The following KIAA1549L variants were observed in gnomAD, a reference collection of about 807,000 sequenced individuals.
KIAA1549L encodes UPF0606 protein KIAA1549L.
In KIAA1549L, 88 loss-of-function variants were observed where a neutral mutation model predicts 160.7. The observed-to-expected ratio is 0.55, with a 90% CI of 0.46 to 0.65. KIAA1549L has a LOEUF of 0.65. KIAA1549L is among the 30% of genes least tolerant of loss of function. The pLI, the probability that KIAA1549L is intolerant of heterozygous loss-of-function variation, is 0.00. For missense variants in KIAA1549L, 2,258 were observed against 2,437.5 expected, an observed-to-expected ratio of 0.93 and a Z score of 1.55; for synonymous variants, 950 against 976.7, an observed-to-expected ratio of 0.97 and a Z score of 0.51.
At position 33,658,739 on chromosome 11, in the gene KIAA1549L, G is replaced by A; in HGVS notation, c.5859-11G>A. On this transcript the variant is annotated splice_polypyrimidine_tract_variant and intron_variant, in intron 18 of 20. Transcript: ENST00000658780. ...GGGACAGTGCTAACGCAGTCCCTCT[G>A]CCCCATCTAGATCCACCTCAGACAT... 6.4e-7 allele frequency: 1 copy of A among 1,569,178 alleles called. No individual in the cohort carries two copies.
chr11:33,454,767 G>A (rs1851787726), intron 1 of KIAA1549L, among the ~76,000 whole-genome samples: 1 of 152,166 alleles, frequency 6.6e-6, no homozygotes, highest in African/African-American at 2.4e-5. Context: ...AAGATGAAAA[G>A]GAATTGCCGC....
chr11:33,563,983 G>GT (rs1565188538), intron 8 of KIAA1549L, among the ~76,000 whole-genome samples: 1 of 152,068 alleles, frequency 6.6e-6, no homozygotes, highest in East Asian at 1.9e-4. Context: ...TCCATTCCAG[G>GT]TCTTTTTTTC....
intron 1 of KIAA1549L, among the ~76,000 whole-genome samples, chr11:33,538,281 C>T (rs1418536367): frequency 6.6e-6 from 1 of 152,212 alleles, no homozygotes; most frequent in Non-Finnish European, 1.5e-5. Flanking sequence ...ATGAGGATTA[C>T]AATTCCAGAT....
intron 1 of KIAA1549L, among the ~76,000 whole-genome samples, chr11:33,473,671 C>T (rs894509453): frequency 3.9e-5 from 6 of 152,180 alleles, no homozygotes; most frequent in Non-Finnish European, 1.5e-5. Context: ...CTCATATGCA[C>T]GTTCCCTTCG....
intron 11 of KIAA1549L, among the ~76,000 whole-genome samples, chr11:33,586,819 C>T (rs537115190): frequency 4.5e-4 from 69 of 152,264 alleles, no homozygotes; most frequent in African/African-American, 1.6e-3. Flanking sequence ...GTTGCTTTAT[C>T]TGTAAACTGG....
intron 4 of KIAA1549L, among the ~76,000 whole-genome samples, chr11:33,550,254 G>A (rs116660895): frequency 8.9e-4 from 135 of 151,678 alleles, no homozygotes; most frequent in African/African-American, 3.1e-3. Context: ...ATACATATAC[G>A]TATGTGTATA....
chr11:33,533,144 A>C (rs978546460), intron 1 of KIAA1549L, among the ~76,000 whole-genome samples: 1 of 152,200 alleles, frequency 6.6e-6, no homozygotes, highest in Non-Finnish European at 1.5e-5. Flanking sequence ...GAGCCAGATC[A>C]GTACATGTGC....
At chr11:33,610,348 A>C (rs989715687) in intron 15 of KIAA1549L, among the ~76,000 whole-genome samples, 1 of 152,198 alleles carries the variant, frequency 6.6e-6, no homozygotes, top group Non-Finnish European at 1.5e-5. Flanking sequence ...ACCAAATTTC[A>C]TGCTGCACCT....
intron 1 of KIAA1549L, among the ~76,000 whole-genome samples, chr11:33,427,892 A>G (rs899848552): frequency 1.3e-5 from 2 of 152,218 alleles, no homozygotes; most frequent in African/African-American, 2.4e-5. Context: ...TGTGAACTTA[A>G]TTCATTTAGC....
rs1394942738 is a variant in KIAA1549L at position 33,435,796 on chromosome 11, A to ATGTGTGTGTGTGTG, written c.238+58908_238+58909insGTGTGTGTGTGTGT. 3.8e-4 allele frequency among the ~76,000 whole-genome samples: 13 copies of ATGTGTGTGTGTGTG among 34,660 alleles called. 2 individuals carry two copies. The highest frequency in any genetic ancestry group is 7.0e-4 in the African/African-American group (4 of 5,686). The allele number at this position is 34,660 out of a possible 152,430, so 22.7% of individuals were successfully genotyped here. ...TATATATATATATATATATATATAT[A>ATGTGTGTGTGTGTG]TATATATATATATATGTGTGTGTAT... On this transcript the variant is annotated intron_variant, in intron 1 of 20. Transcript: ENST00000658780.
At chr11:33,563,070 G>A (rs2133222753) in intron 8 of KIAA1549L, among the ~76,000 whole-genome samples, 1 of 152,006 alleles carries the variant, frequency 6.6e-6, no homozygotes, top group South Asian at 2.1e-4. Flanking sequence ...GGAATCTGGG[G>A]GGACAGGCCG....
At chr11:33,605,221 C>G (rs1247658943) in intron 13 of KIAA1549L, among the ~76,000 whole-genome samples, 1 of 151,984 alleles carries the variant, frequency 6.6e-6, no homozygotes. Context: ...GGAAGTAACA[C>G]GTTGTCATTT....
intron 17 of KIAA1549L, among the ~76,000 whole-genome samples, chr11:33,649,215 T>C (rs769687300): frequency 6.6e-6 from 1 of 152,042 alleles, no homozygotes; most frequent in African/African-American, 2.4e-5. Flanking sequence ...AATCTTCTTA[T>C]AAGGAAGCTT....
chr11:33,590,218 A>T (rs1241019706), intron 11 of KIAA1549L, among the ~76,000 whole-genome samples: 1 of 152,214 alleles, frequency 6.6e-6, no homozygotes, highest in Non-Finnish European at 1.5e-5. Flanking sequence ...TCCAATTAAC[A>T]TAATAACAAT....
At chr11:33,380,844 G>A (rs548484786) in intron 1 of KIAA1549L, among the ~76,000 whole-genome samples, 1 of 152,146 alleles carries the variant, frequency 6.6e-6, no homozygotes, top group African/African-American at 2.4e-5. Flanking sequence ...CGTCCTCCTT[G>A]CCGCTCCCCA....
In KIAA1549L at chr11:33,407,081, A is replaced by ATTTTTTTT. The variant is rs750670251; in HGVS notation, c.238+30206_238+30213dup. Among the ~76,000 whole-genome samples the ATTTTTTTT allele has an allele frequency of 3.6e-4, 36 of 100,128 alleles. 1 individual carries two copies. Among genetic ancestry groups the ATTTTTTTT allele is most frequent in the East Asian group, 3.5e-3 (11 of 3,170 alleles). The allele number at this position is 100,128 out of a possible 152,430, so 65.7% of individuals were successfully genotyped here. A position where few individuals can be genotyped will look rare whatever the true frequency, so the allele number is the denominator to read the frequency against. ...GGAGTTCAGTCCTTTTTCTTTTTTC[A>ATTTTTTTT]TTTTTTTTTTTTTTTTTTTTTGAGA... On this transcript the variant is annotated intron_variant, in intron 1 of 20. Transcript: ENST00000658780.
intron 1 of KIAA1549L, among the ~76,000 whole-genome samples, chr11:33,524,564 C>G (rs2133133062): frequency 6.6e-6 from 1 of 152,136 alleles, no homozygotes; most frequent in South Asian, 2.1e-4. Context: ...TCTAAAAAGT[C>G]TCTTTTAAAA....
chr11:33,589,674 C>T (rs1849988823), intron 11 of KIAA1549L, among the ~76,000 whole-genome samples: 1 of 151,882 alleles, frequency 6.6e-6, no homozygotes, highest in Admixed American at 6.6e-5. Context: ...AAAAACCAAG[C>T]ACCGCATGTT....
chr11:33,518,056 T>A (rs1243265647), intron 1 of KIAA1549L, among the ~76,000 whole-genome samples: 1 of 141,540 alleles, frequency 7.1e-6, no homozygotes, highest in African/African-American at 2.6e-5. Context: ...AGATAATTGC[T>A]TGAACCCAGG....
Sources: gnomAD v4.1 joint callset for allele counts (sites outside exome capture counted in the v4.1 genomes callset) on GRCh38, gnomAD v4.1.1 for gene constraint, MANE v1.5 for transcripts, NCBI Gene and HGNC (gene_info 2026-07-23, HGNC 2026-07-21) for gene names.